GRIA3: variants seen among roughly 807,000 people sequenced by gnomAD.
GRIA3 encodes the protein glutamate receptor 3.
Under a neutral mutation model 63.0 loss-of-function variants are expected in GRIA3, and 3 were observed. That is an observed-to-expected ratio of 0.05 (90% CI 0.02 to 0.12). The LOEUF is 0.12. GRIA3 is among the 10% of genes least tolerant of loss of function. The pLI, the probability that GRIA3 is intolerant of heterozygous loss-of-function variation, is 1.00. For missense variants in GRIA3, 347 were observed against 700.9 expected (o/e 0.50, Z 5.70); for synonymous variants, 274 against 257.9 (o/e 1.06, Z -0.60).
intron 12 of GRIA3, among the ~76,000 whole-genome samples, chrX:123,449,458 C>T (rs1461228187): frequency 8.9e-6 from 1 of 112,162 alleles, no homozygotes; most frequent in East Asian, 2.8e-4. Flanking sequence ...TTATCAGAAG[C>T]TTCTGTAACT....
chrX:123,362,543 G>C (rs768832596), intron 5 of GRIA3, among the ~76,000 whole-genome samples: 5 of 111,023 alleles, frequency 4.5e-5, no homozygotes, highest in African/African-American at 6.6e-5. Flanking sequence ...TGAGTGACAG[G>C]ACAGATTAGA....
intron 12 of GRIA3, among the ~76,000 whole-genome samples, chrX:123,456,082 C>G (rs2045759716): frequency 9.0e-6 from 1 of 111,677 alleles, no homozygotes; most frequent in African/African-American, 3.3e-5. Context: ...TATGGCACCT[C>G]TTGGCATTGC....
intron 2 of GRIA3, among the ~76,000 whole-genome samples, chrX:123,240,617 T>C (rs1307959950): frequency 8.9e-6 from 1 of 111,784 alleles, no homozygotes; most frequent in Non-Finnish European, 1.9e-5. Context: ...ATTCAATTTT[T>C]CCACCTGTAA....
At position 123,253,533 on chromosome X, in the gene GRIA3, A is replaced by T; in HGVS notation, c.499A>T (p.Thr167Ser). 1 of 1,206,633 alleles carries T rather than the reference A, an allele frequency of 8.3e-7. No individual in the cohort carries two copies. Among genetic ancestry groups the T allele is most frequent in the Non-Finnish European group, 1.1e-6 (1 of 891,362 alleles). The change falls in exon 3 of 16, where the codon ACA becomes TCA. Residue 167 changes from threonine to serine, a missense_variant. Transcript: ENST00000620443. Reference sequence around the variant, plus strand: ...GGAGAAGTTTGTGTACCTCTATGACACAGAACGAGGTAAGAAGAGGCACCT... The same window carrying T: ...GGAGAAGTTTGTGTACCTCTATGACTCAGAACGAGGTAAGAAGAGGCACCT... ...KWEKFVYLYDTERGFSILQAI... is the reference protein window; with the variant it reads ...KWEKFVYLYDSERGFSILQAI...
chrX:123,202,952 T>C (rs1302864056), intron 2 of GRIA3, among the ~76,000 whole-genome samples: 1 of 112,277 alleles, frequency 8.9e-6, no homozygotes, highest in Non-Finnish European at 1.9e-5. Flanking sequence ...AGTAAACATA[T>C]GGAACCCCTT....
chrX:123,462,676 A>G (rs2045799574), intron 12 of GRIA3, among the ~76,000 whole-genome samples: 1 of 111,528 alleles, frequency 9.0e-6, no homozygotes, highest in Non-Finnish European at 1.9e-5. Context: ...CCCCCCTGGA[A>G]TTATTTGGGC....
chrX:123,323,804 G>A (rs1004541235), intron 3 of GRIA3, among the ~76,000 whole-genome samples: 1 of 112,183 alleles, frequency 8.9e-6, no homozygotes, highest in African/African-American at 3.2e-5. Context: ...CTTTCCAGAC[G>A]AAAGATTTTT....
At chrX:123,190,322 G>A (rs931255393) in intron 2 of GRIA3, among the ~76,000 whole-genome samples, 5 of 111,551 alleles carry the variant, frequency 4.5e-5, no homozygotes, top group African/African-American at 1.3e-4. Context: ...TAAGCACGCC[G>A]GCTTAGCTCA....
intron 5 of GRIA3, among the ~76,000 whole-genome samples, chrX:123,387,073 A>G (rs1354679185): frequency 1.8e-5 from 2 of 111,600 alleles, no homozygotes; most frequent in Non-Finnish European, 3.8e-5. Flanking sequence ...TAACAATATT[A>G]ATTCTTTCAA....
At chrX:123,428,211 T>A (rs1003734306) in intron 12 of GRIA3, 72 bp downstream of exon 12, 7 of 705,018 alleles carry the variant, frequency 9.9e-6, no homozygotes, top group Non-Finnish European at 1.6e-5. Flanking sequence ...AAGTTCACAG[T>A]GCTTTTAAGG....
At chrX:123,297,385 A>G (rs1226998723) in intron 3 of GRIA3, among the ~76,000 whole-genome samples, 1 of 112,242 alleles carries the variant, frequency 8.9e-6, no homozygotes, top group African/African-American at 3.2e-5. Flanking sequence ...TATATAATCT[A>G]GCTCTAATTC....
chrX:123,345,437 A>AC, intron 4 of GRIA3, among the ~76,000 whole-genome samples: 1 of 60,496 alleles, frequency 1.7e-5, no homozygotes, highest in Non-Finnish European at 2.8e-5. Flanking sequence ...GCCCCCCTTC[A>AC]CAACACACAC....
chrX:123,304,679 C>T (rs773672144), intron 3 of GRIA3, among the ~76,000 whole-genome samples: 37 of 111,617 alleles, frequency 3.3e-4, no homozygotes, highest in African/African-American at 1.1e-3. Context: ...ATAAGGACAA[C>T]TCCCATGTAA....
At chrX:123,221,230 A>T (rs1928279761) in intron 2 of GRIA3, among the ~76,000 whole-genome samples, 1 of 112,473 alleles carries the variant, frequency 8.9e-6, no homozygotes, top group African/African-American at 3.2e-5. Flanking sequence ...TTTATATCAC[A>T]GAAGCAAAAT....
rs544648867 is a variant in GRIA3, at chrX:123,439,790, G to C, written c.2076+11651G>C. ...CTTGTTACACTCAACTCATATTCTT[G>C]TTCTTTTTTTTTTATTTATTTTCAT... On this transcript the variant is annotated intron_variant, in intron 12 of 15. Coordinates refer to ENST00000620443, the MANE Select transcript of GRIA3 (RefSeq NM_007325.5). 6.5e-4 allele frequency among the ~76,000 whole-genome samples: 63 copies of C among 96,448 alleles called. No homozygotes were observed. The South Asian group carries it at 0.027, about 41-fold the overall frequency. The allele number at this position is 96,448 out of a possible 115,157, so 83.8% of individuals were successfully genotyped here. A position where few individuals can be genotyped will look rare whatever the true frequency, so the allele number is the denominator to read the frequency against.
chrX:123,452,355 C>A (rs1345971033), intron 12 of GRIA3, among the ~76,000 whole-genome samples: 1 of 105,914 alleles, frequency 9.4e-6, no homozygotes, highest in Non-Finnish European at 1.9e-5. Flanking sequence ...AACTAACACT[C>A]CCCCCCCAAA....
intron 2 of GRIA3, among the ~76,000 whole-genome samples, chrX:123,247,088 C>T (rs1022850093): frequency 9.0e-6 from 1 of 111,651 alleles, no homozygotes; most frequent in African/African-American, 3.3e-5. Context: ...GAAGGAATTA[C>T]CTGGAGAACC....
intron 5 of GRIA3, among the ~76,000 whole-genome samples, chrX:123,355,356 C>T (rs1430948703): frequency 9.0e-6 from 1 of 111,717 alleles, no homozygotes; most frequent in Non-Finnish European, 1.9e-5. Flanking sequence ...AGAAGCAGAC[C>T]ACTACCAAAT....
intron 9 of GRIA3, among the ~76,000 whole-genome samples, 184 bp from the exon 10 acceptor site, chrX:123,404,524 A>C: frequency 9.2e-6 from 1 of 108,687 alleles, no homozygotes; most frequent in Non-Finnish European, 1.9e-5. Context: ...CCCTACCAAA[A>C]AAAAAAAAAA....
Sources: gnomAD v4.1 joint callset for allele counts (sites outside exome capture counted in the v4.1 genomes callset) on GRCh38, gnomAD v4.1.1 for gene constraint, MANE v1.5 for transcripts, NCBI Gene and HGNC (gene_info 2026-07-23, HGNC 2026-07-21) for gene names.